RNF213: variants seen among roughly 807,000 people sequenced by gnomAD.
RNF213 encodes the protein E3 ubiquitin-protein ligase RNF213.
A neutral mutation model predicts 514.4 loss-of-function variants in RNF213; 341 were observed. That is an observed-to-expected ratio of 0.66 (90% CI 0.61 to 0.73). RNF213 has a LOEUF of 0.73. Ranked by LOEUF, RNF213 falls within the 30% of genes least tolerant of loss-of-function variation. The pLI is 0.00. For synonymous variants in RNF213, 2,655 were observed against 2,658.2 expected (o/e 1.00, Z 0.04); for missense variants, 5,767 against 6,615.6 (o/e 0.87, Z 4.45).
chr17:80,361,914 G>A (rs1281627259), intron 39 of RNF213, 26 bp downstream of exon 39: 8 of 1,605,668 alleles, frequency 5.0e-6, no homozygotes, highest in Admixed American at 1.7e-5. Context: ...CTGGCTAAGG[G>A]TCAGGTGTAG....
rs117081212 is a variant in RNF213 at position 80,355,414 on chromosome 17, C to G, written c.10862+838C>G. 28 of 93,452 alleles carry G rather than the reference C, an allele frequency of 3.0e-4. 2 individuals are homozygous for G. The highest frequency in any genetic ancestry group is 4.3e-3 in the Middle Eastern group (1 of 230). 5.8% of individuals were successfully genotyped at this position (93,452 alleles called of 1,614,324 possible). A position where few individuals can be genotyped will look rare whatever the true frequency, so the allele number is the denominator to read the frequency against. On this transcript the variant is annotated intron_variant, in intron 36 of 67. Transcript: ENST00000582970. ...CGGGGTGAATGGGAATGGGGGCTCA[C>G]GGAGGAAGAAGCGGGGTGGATGGGA...
At chr17:80,336,589 A>G in intron 23 of RNF213, 1 of 639,090 alleles carries the variant, frequency 1.6e-6, no homozygotes, top group East Asian at 3.1e-5. Context: ...ACACATAGTA[A>G]TCTCTAAGGT....
rs1247682905 is a variant in RNF213 at position 80,393,614 on chromosome 17, C to T, written c.*116C>T. ...TTGCATTCAGAAGGAGAGCTGTCAGCGTAGCACCGAATTCAAGACCAAGGC... is the reference window on the plus strand; with the variant it reads ...TTGCATTCAGAAGGAGAGCTGTCAGTGTAGCACCGAATTCAAGACCAAGGC... On this transcript the variant is annotated 3_prime_UTR_variant, in exon 68 of 68. Coordinates refer to ENST00000582970, the MANE Select transcript of RNF213 (RefSeq NM_001256071.3). 13 of 1,176,502 alleles carry T rather than the reference C, an allele frequency of 1.1e-5. No individual in the cohort carries two copies. Among genetic ancestry groups the T allele is most frequent in the African/African-American group, 6.1e-5 (4 of 65,508 alleles). 72.9% of individuals were successfully genotyped at this position (1,176,502 alleles called of 1,614,324 possible).
chr17:80,322,448 T>C (rs6565672), intron 17 of RNF213, among the ~76,000 whole-genome samples: 100,324 of 151,878 alleles, frequency 0.66, 34,194 homozygotes, highest in African/African-American at 0.75. Flanking sequence ...TGGTGGCATG[T>C]GCCTGTAGTC....
chr17:80,269,576 A>G (rs1598882715), intron 2 of RNF213, among the ~76,000 whole-genome samples: 4 of 150,936 alleles, frequency 2.7e-5, no homozygotes, highest in Admixed American at 2.0e-4. Context: ...CCATCCATCT[A>G]TACTATCTAT....
At chr17:80,372,445 T>C (rs139820184) in intron 47 of RNF213, 76 bp from the exon 48 acceptor site, 135 of 1,031,566 alleles carry the variant, frequency 1.3e-4, no homozygotes, top group African/African-American at 3.7e-4. Flanking sequence ...CACAGTCACA[T>C]TGGCGACTGT....
At chr17:80,362,073 A>G (rs937742660) in intron 39 of RNF213, among the ~76,000 whole-genome samples, 185 bp downstream of exon 39, 5 of 152,186 alleles carry the variant, frequency 3.3e-5, no homozygotes, top group African/African-American at 9.7e-5. Context: ...ATTCAGTGCT[A>G]CACCCTCAGT....
chr17:80,289,885 C>T (rs372549930), intron 6 of RNF213, 48 bp downstream of exon 6: 575 of 1,540,692 alleles, frequency 3.7e-4, no homozygotes, highest in African/African-American at 2.0e-3. Flanking sequence ...CCTGAGAGCC[C>T]GGCACACCCT....
intron 63 of RNF213, among the ~76,000 whole-genome samples, chr17:80,387,644 C>G (rs1395022373): frequency 3.3e-5 from 5 of 152,256 alleles, no homozygotes; most frequent in African/African-American, 7.2e-5. Flanking sequence ...CCACATCTGG[C>G]TCTCTTCATC....
intron 3 of RNF213, among the ~76,000 whole-genome samples, chr17:80,274,839 G>T (rs1211558940): frequency 1.8e-5 from 1 of 54,092 alleles, no homozygotes. Flanking sequence ...GGGTGAGTGG[G>T]GGGTGAGTGG....
At chr17:80,300,711 C>G (rs370942731) in intron 11 of RNF213, among the ~76,000 whole-genome samples, 13 of 150,690 alleles carry the variant, frequency 8.6e-5, no homozygotes, top group East Asian at 7.8e-4. Flanking sequence ...CCCACCATGC[C>G]TGGCTAATTT....
At chr17:80,304,055 T>A (rs1470232881) in intron 11 of RNF213, among the ~76,000 whole-genome samples, 1 of 151,176 alleles carries the variant, frequency 6.6e-6, no homozygotes, top group Middle Eastern at 3.2e-3. Flanking sequence ...AAATATAGAG[T>A]ACCTTTTATT....
intron 44 of RNF213, among the ~76,000 whole-genome samples, chr17:80,368,630 A>C (rs2079379802): frequency 6.6e-6 from 1 of 152,064 alleles, no homozygotes; most frequent in African/African-American, 2.4e-5. Context: ...ACAGGGTTTC[A>C]CCATGTTGGC....
rs1017272108 is a variant in RNF213 at position 80,383,779 on chromosome 17, T to G, written c.14173T>G (p.Phe4725Val). The change falls in exon 59 of 68, where the codon TTC becomes GTC. Residue 4725 changes from phenylalanine (F) to valine (V), a missense_variant. Phe to Val is a conservative substitution (Grantham distance 50). Coordinates refer to ENST00000582970, the MANE Select transcript of RNF213 (RefSeq NM_001256071.3). ...AATAATATATGGTGACCCAGTGACC[T>G]TCCTGCCCCACCTGCCCCGGAAAAG... is the stretch of plus-strand genomic sequence containing the variant. ...AKIIYGDPVT[F>V]LPHLPRKSVV... 5 of 1,614,074 alleles carry G rather than the reference T, an allele frequency of 3.1e-6. No individual in the cohort carries two copies. Among genetic ancestry groups the G allele is most frequent in the Non-Finnish European group, 4.2e-6 (5 of 1,180,046 alleles).
Position 80,288,092 on chromosome 17 carries a change from G to T in RNF213, c.539G>T (p.Gly180Val). 1 of 1,607,312 alleles carries T rather than the reference G, an allele frequency of 6.2e-7. No homozygotes were observed. ...GDSPLQAQALGEAGVATGSEA... is the reference protein window; with the variant it reads ...GDSPLQAQALVEAGVATGSEA... ...AGCCCCCTGCAGGCCCAGGCTTTGG[G>T]AGAGGCAGGAGTGGCCACAGGAAGT... Residue 180 changes from glycine (G) to valine (V), a missense_variant, in exon 4 of 68, where the codon GGA becomes GTA. By Grantham distance (109) the Gly-to-Val change is moderately radical. Around this residue, in one of 13 missense-constraint regions of RNF213, gnomAD observed 509 missense variants for 496.7 expected, o/e 1.02. Coordinates refer to ENST00000582970, the MANE Select transcript of RNF213 (RefSeq NM_001256071.3). The surrounding 1 kb of genome is among the most constrained non-coding windows in gnomAD (Gnocchi z 4.9).
rs183572017 is a variant in RNF213 at position 80,394,365 on chromosome 17, T to C, written c.*867T>C. ...CATGCAGTCTCAGTGTGCTCTCGCA[T>C]GTATGAATATCTAGTCCTTTCTGTG... is the stretch of plus-strand genomic sequence containing the variant. On this transcript the variant is annotated 3_prime_UTR_variant, in exon 68 of 68. Coordinates refer to ENST00000582970, the MANE Select transcript of RNF213 (RefSeq NM_001256071.3). 29 of 152,386 alleles carry C rather than the reference T, an allele frequency of 1.9e-4. No homozygotes were observed. Among genetic ancestry groups the C allele is most frequent in the East Asian group, 1.2e-3 (6 of 5,194 alleles). The allele number at this position is 152,386 out of a possible 1,614,324, so 9.4% of individuals were successfully genotyped here. A position where few individuals can be genotyped will look rare whatever the true frequency, so the allele number is the denominator to read the frequency against.
chr17:80,273,729 C>G (rs1425712287), intron 3 of RNF213, among the ~76,000 whole-genome samples: 2 of 151,206 alleles, frequency 1.3e-5, no homozygotes, highest in East Asian at 2.0e-4. Context: ...AAGCAATTCT[C>G]CTGCCTCAGC....
intron 2 of RNF213, among the ~76,000 whole-genome samples, chr17:80,270,393 G>C (rs977007582): frequency 2.0e-5 from 3 of 152,230 alleles, no homozygotes; most frequent in Non-Finnish European, 2.9e-5. Flanking sequence ...TAGCCTGCTG[G>C]CTTCAGGCTG....
rs146200316 is a variant in RNF213 at position 80,313,119 on chromosome 17, C to G, written c.2763C>G (p.Asn921Lys). The change falls in exon 15 of 68, where the codon AAC (asparagine) becomes AAG (lysine). Residue 921 changes from asparagine (N) to lysine (K), a missense_variant. Physicochemically the swap from Asn to Lys is moderately conservative, Grantham distance 94. Coordinates refer to ENST00000582970, the MANE Select transcript of RNF213 (RefSeq NM_001256071.3). ...GGCTCCGAGAAGTTTTTACAAAGAA[C>G]ATGCTCACATCTTCAGGTGCCTCAT... ...KRWLREVFTK[N>K]MLTSSGASFT... The G allele has an allele frequency of 3.3e-4, 540 of 1,614,026 alleles. No homozygotes were observed. Among genetic ancestry groups the G allele is most frequent in the Non-Finnish European group, 4.1e-4 (480 of 1,180,036 alleles).
Sources: allele counts gnomAD v4.1 joint callset (sites outside exome capture counted in the v4.1 genomes callset), GRCh38; gene constraint gnomAD v4.1.1; regional missense constraint gnomAD v4.1.1; non-coding constraint Gnocchi (gnomAD v3.1); transcripts MANE v1.5; gene names NCBI Gene and HGNC (gene_info 2026-07-23, HGNC 2026-07-21).